Variants in TRIO observed in about 807,000 individuals in gnomAD.
TRIO encodes triple functional domain protein.
A neutral mutation model predicts 351.9 loss-of-function variants in TRIO; 58 were observed. The observed-to-expected ratio is 0.16, with a 90% CI of 0.13 to 0.21. TRIO has a LOEUF of 0.21. TRIO is among the 10% of genes least tolerant of loss of function. TRIO has a pLI of 1.00. For synonymous variants in TRIO, 1,758 were observed against 1,595.7 expected, an observed-to-expected ratio of 1.10 and a Z score of -2.42; for missense variants, 3,201 against 4,027.8, an observed-to-expected ratio of 0.79 and a Z score of 5.56.
chr5:14,322,052 C>T (rs576884306), intron 9 of TRIO, among the ~76,000 whole-genome samples: 106 of 152,130 alleles, frequency 7.0e-4, no homozygotes, highest in African/African-American at 2.3e-3. Flanking sequence ...ACTAATACAA[C>T]GCCCCTGCAA....
Position 14,487,550 on chromosome 5 carries a change from AGCGGCGGCGGCGGGGCCCCCAGTG to A in TRIO, c.6928_6951del (p.Gly2310_Gly2317del). 9.5e-7 allele frequency: 1 copy of A among 1,057,232 alleles called. No homozygotes were observed. The highest frequency in any genetic ancestry group is 1.2e-6 in the Non-Finnish European group (1 of 864,194). 65.5% of individuals were successfully genotyped at this position (1,057,232 alleles called of 1,614,324 possible). A position where few individuals can be genotyped will look rare whatever the true frequency, so the allele number is the denominator to read the frequency against. On this transcript the variant is annotated inframe_deletion, in exon 48 of 57. Transcript: ENST00000344204. ...CGGGGGCAGCGGCGGGGGTGGGGGC[AGCGGCGGCGGCGGGGCCCCCAGTG>A]GCGGCAGCGGCCACAGTGGCGGCCC... is the stretch of plus-strand genomic sequence containing the variant.
intron 31 of TRIO, among the ~76,000 whole-genome samples, chr5:14,403,606 TGTGAGGGTGAGGGTGTAGGTTGTGGTG>T (rs1748388838): frequency 8.5e-5 from 4 of 47,064 alleles, no homozygotes; most frequent in East Asian, 6.8e-4. Context: ...GGGTGCAGGT[TGTGAGGGTGAGGGTGTAGGTTGTGGTG>T]GTGAGGGTGC....
intron 1 of TRIO, among the ~76,000 whole-genome samples, chr5:14,227,499 T>G (rs925317102): frequency 1.3e-5 from 2 of 152,228 alleles, no homozygotes; most frequent in African/African-American, 4.8e-5. Flanking sequence ...AGTTTTTTAT[T>G]TAATGCAGTC....
chr5:14,238,938 T>G (rs536252423), intron 1 of TRIO, among the ~76,000 whole-genome samples: 1 of 152,294 alleles, frequency 6.6e-6, no homozygotes, highest in African/African-American at 2.4e-5. Flanking sequence ...TAAAAACAGG[T>G]ACTTCGTAGG....
chr5:14,504,576 C>T lies in TRIO; in HGVS notation c.8595C>T (p.Tyr2865=). The T allele has an allele frequency of 6.2e-7, 1 of 1,614,180 alleles. No homozygotes were observed. Among genetic ancestry groups the T allele is most frequent in the East Asian group, 2.2e-5 (1 of 44,876 alleles). The part of the protein sequence containing the change: ...LLDTFETPTS[Y]ILVLEMADQG... ...ACACCTTTGAGACCCCCACCAGCTA[C>T]ATCCTGGTCTTAGAAATGTGCGTAC... is the stretch of plus-strand genomic sequence containing the variant. Residue 2865 remains tyrosine (Y), a synonymous_variant, in exon 55 of 57, where the codon TAC becomes TAT. Coordinates refer to ENST00000344204, the MANE Select transcript of TRIO (RefSeq NM_007118.4).
intron 18 of TRIO, among the ~76,000 whole-genome samples, chr5:14,372,075 A>G (rs1745159028): frequency 6.6e-6 from 1 of 152,184 alleles, no homozygotes; most frequent in Non-Finnish European, 1.5e-5. Context: ...TATTAATTGA[A>G]GAAATACGTT....
At chr5:14,289,743 G>A (rs1452328371) in intron 4 of TRIO, among the ~76,000 whole-genome samples, 2 of 152,000 alleles carry the variant, frequency 1.3e-5, no homozygotes, top group African/African-American at 4.8e-5. Flanking sequence ...CCAGCTACTC[G>A]GGAGGCTGAG....
At chr5:14,354,426 T>G (rs1375391857) in intron 11 of TRIO, among the ~76,000 whole-genome samples, 1 of 152,252 alleles carries the variant, frequency 6.6e-6, no homozygotes, top group Admixed American at 6.5e-5. Flanking sequence ...CATTGGCTCC[T>G]GCCAGCAGGG....
chr5:14,389,078 T>G (rs1746818389), intron 24 of TRIO, among the ~76,000 whole-genome samples: 1 of 152,226 alleles, frequency 6.6e-6, no homozygotes, highest in South Asian at 2.1e-4. Context: ...GGGAATAATT[T>G]TAGAGTTGAA....
intron 1 of TRIO, among the ~76,000 whole-genome samples, chr5:14,217,088 C>T (rs192884941): frequency 2.8e-4 from 42 of 152,276 alleles, no homozygotes; most frequent in Admixed American, 5.2e-4. Flanking sequence ...GCACGATGCC[C>T]CATGCGTCAC....
Position 14,375,380 on chromosome 5 carries a change from T to C in TRIO, c.3331+1037T>C, listed in dbSNP as rs192156174. On this transcript the variant is annotated intron_variant, in intron 19 of 56. Coordinates refer to ENST00000344204, the MANE Select transcript of TRIO (RefSeq NM_007118.4). ...GTCCTGTCTTTTCTGATTGAAGATA[T>C]TGTGGTCCTTTTTAGGTTGCGCTAG... Among the ~76,000 whole-genome samples the C allele has an allele frequency of 2.1e-4, 32 of 149,572 alleles. No individual in the cohort carries two copies. In the East Asian group the frequency reaches 3.9e-3, roughly 18 times the overall value.
chr5:14,215,722 A>C (rs1179731184), intron 1 of TRIO, among the ~76,000 whole-genome samples: 1 of 152,152 alleles, frequency 6.6e-6, no homozygotes, highest in Non-Finnish European at 1.5e-5. Context: ...TGTATGTACA[A>C]ATCTATTTGC....
At chr5:14,354,440 C>A (rs2152333322) in intron 11 of TRIO, among the ~76,000 whole-genome samples, 1 of 152,362 alleles carries the variant, frequency 6.6e-6, no homozygotes, top group East Asian at 1.9e-4. Context: ...AGCAGGGGAC[C>A]TGGTTTCTCA....
At chr5:14,380,326 C>T (rs1745974836) in intron 20 of TRIO, among the ~76,000 whole-genome samples, 1 of 135,606 alleles carries the variant, frequency 7.4e-6, no homozygotes, top group African/African-American at 3.3e-5. Context: ...CTTCGCGCCC[C>T]GCCTCCTCCT....
intron 1 of TRIO, among the ~76,000 whole-genome samples, chr5:14,212,286 C>T (rs920026827): frequency 1.3e-5 from 2 of 152,036 alleles, no homozygotes; most frequent in Admixed American, 1.3e-4. Flanking sequence ...TTCTGAGGAC[C>T]AGAAAAATTT....
chr5:14,323,529 G>GAGAT (rs56063188), intron 9 of TRIO, among the ~76,000 whole-genome samples: 132,143 of 151,844 alleles, frequency 0.87, 57,946 homozygotes, highest in African/African-American at 0.95. Flanking sequence ...CAGAGAGAGA[G>GAGAT]AGGAGTTTAG....
intron 34 of TRIO, among the ~76,000 whole-genome samples, chr5:14,446,277 A>T (rs1344553738): frequency 1.3e-5 from 2 of 152,154 alleles, no homozygotes; most frequent in South Asian, 4.1e-4. Flanking sequence ...CTCCCCAGGC[A>T]CTGGCAGCAC....
At chr5:14,366,817 C>T (rs764850030) in intron 15 of TRIO, 43 bp from the exon 16 acceptor site, 4 of 1,612,164 alleles carry the variant, frequency 2.5e-6, no homozygotes, top group African/African-American at 2.7e-5. Context: ...ACAGGATTCT[C>T]TGGGAAGTCC....
intron 1 of TRIO, among the ~76,000 whole-genome samples, chr5:14,153,678 G>T (rs1031906151): frequency 6.6e-6 from 1 of 152,096 alleles, no homozygotes; most frequent in African/African-American, 2.4e-5. Flanking sequence ...CGACCTGCTT[G>T]CCCCATTTGA....
Sources: allele counts gnomAD v4.1 joint callset (sites outside exome capture counted in the v4.1 genomes callset), GRCh38; gene constraint gnomAD v4.1.1; transcripts MANE v1.5; gene names NCBI Gene and HGNC (gene_info 2026-07-23, HGNC 2026-07-21).